KYAT3: variants seen among roughly 807,000 people sequenced by gnomAD.
KYAT3 encodes the protein kynurenine--oxoglutarate transaminase 3.
Under a neutral mutation model 59.0 loss-of-function variants are expected in KYAT3, and 50 were observed. The ratio of observed to expected loss-of-function variants is 0.85; its 90% CI spans 0.68 to 1.07. The LOEUF (loss-of-function observed/expected upper bound fraction) is 1.07. KYAT3 is among the 50% of genes least tolerant of loss of function. The pLI is 0.00. For synonymous variants in KYAT3, 148 were observed against 177.0 expected (o/e 0.84, Z 1.30); for missense variants, 497 against 533.3 (o/e 0.93, Z 0.67).
the KYAT3 span, among the ~76,000 whole-genome samples, chr1:88,928,721 T>C: frequency 2.6e-5 from 4 of 152,202 alleles, no homozygotes; most frequent in Admixed American, 2.6e-4. Flanking sequence ...TGCTAGACCA[T>C]TGAGGGCCAG....
Position 88,968,750 on chromosome 1 carries a change from T to C in KYAT3, c.223A>G (p.Ile75Val), listed in dbSNP as rs1206758194. 1.2e-6 allele frequency: 2 copies of C among 1,601,990 alleles called. No homozygotes were observed. The highest frequency in any genetic ancestry group is 2.7e-5 in the African/African-American group (2 of 74,072). Residue 75 changes from isoleucine (I) to valine (V), a missense_variant, in exon 4 of 14, where the codon ATA becomes GTA. Physicochemically the swap from Ile to Val is conservative, Grantham distance 29. Around this residue, in one of 2 missense-constraint regions of KYAT3, gnomAD observed 469 missense variants for 479.1 expected, o/e 0.98. Transcript: ENST00000260508. ...VVNLGQGFPD[I>V]SPPTYVKEEL... Reference sequence around the variant, plus strand: ...TCTTTTACATATGTAGGAGGGGATATATCTGGAAAGCCTTGGCCAAGATTC... The same window carrying C: ...TCTTTTACATATGTAGGAGGGGATACATCTGGAAAGCCTTGGCCAAGATTC...
chr1:88,976,872 CAT>C (rs1432923711), intron 2 of KYAT3, among the ~76,000 whole-genome samples: 3 of 152,112 alleles, frequency 2.0e-5, no homozygotes, highest in African/African-American at 4.8e-5. Flanking sequence ...TATAGAATGA[CAT>C]AAAATATTTT....
intron 4 of KYAT3, 64 bp downstream of exon 4, chr1:88,968,606 C>T (rs2101054827): frequency 1.5e-6 from 2 of 1,302,274 alleles, no homozygotes; most frequent in Admixed American, 2.8e-5. Context: ...CACATGCACA[C>T]ACACAGACAC....
At chr1:88,921,759 G>A in the KYAT3 span, among the ~76,000 whole-genome samples, 1 of 152,138 alleles carries the variant, frequency 6.6e-6, no homozygotes, top group African/African-American at 2.4e-5. Flanking sequence ...CTGTCAGGCT[G>A]GAGACTCAAG....
At chr1:88,960,381 C>T (rs1369384972) in intron 8 of KYAT3, among the ~76,000 whole-genome samples, 1 of 135,442 alleles carries the variant, frequency 7.4e-6, no homozygotes, top group African/African-American at 2.5e-5. Flanking sequence ...GCAGAAGAGA[C>T]TAAAACAAAC....
At chr1:88,950,965 C>T (rs906158589) in intron 10 of KYAT3, among the ~76,000 whole-genome samples, 2 of 152,216 alleles carry the variant, frequency 1.3e-5, no homozygotes, top group African/African-American at 4.8e-5. Context: ...CCATTCCAGT[C>T]TCTGTGCTGT....
At chr1:88,985,169 T>A (rs537334132) in intron 2 of KYAT3, among the ~76,000 whole-genome samples, 1 of 152,324 alleles carries the variant, frequency 6.6e-6, no homozygotes, top group South Asian at 2.1e-4. Context: ...ACAAAAAGCC[T>A]GGTTTATTCT....
intron 2 of KYAT3, among the ~76,000 whole-genome samples, chr1:88,986,991 T>C (rs1049141817): frequency 6.6e-6 from 1 of 152,210 alleles, no homozygotes; most frequent in African/African-American, 2.4e-5. Flanking sequence ...TAATTAAACA[T>C]AAAGCTACCA....
At chr1:88,927,796 A>G in the KYAT3 span, among the ~76,000 whole-genome samples, 1 of 152,268 alleles carries the variant, frequency 6.6e-6, no homozygotes. Flanking sequence ...TTGATGTTTT[A>G]GAAGGGTTAG....
At chr1:88,956,294 C>T (rs1397546216) in intron 8 of KYAT3, among the ~76,000 whole-genome samples, 1 of 152,084 alleles carries the variant, frequency 6.6e-6, no homozygotes, top group Non-Finnish European at 1.5e-5. Context: ...ACTCAAATTT[C>T]CCCTTTATTG....
intron 11 of KYAT3, among the ~76,000 whole-genome samples, chr1:88,947,166 C>T (rs1675476241): frequency 6.6e-6 from 1 of 152,146 alleles, no homozygotes; most frequent in Non-Finnish European, 1.5e-5. Flanking sequence ...TCATGGACTG[C>T]CTAGATATGC....
the KYAT3 span, among the ~76,000 whole-genome samples, chr1:88,930,540 G>A: frequency 2.0e-5 from 3 of 152,142 alleles, no homozygotes; most frequent in Non-Finnish European, 2.9e-5. Flanking sequence ...AAAGGACTTC[G>A]AAAAGCAGGG....
intron 5 of KYAT3, among the ~76,000 whole-genome samples, chr1:88,964,343 T>C (rs956606874): frequency 5.3e-5 from 8 of 152,342 alleles, no homozygotes; most frequent in African/African-American, 1.9e-4. Context: ...AGATTCTTTT[T>C]CCCTGGCAGT....
chr1:88,949,322 T>G (rs1266627322), intron 10 of KYAT3, 45 bp from the exon 11 acceptor site: 4 of 1,341,004 alleles, frequency 3.0e-6, no homozygotes, highest in Non-Finnish European at 4.0e-6. Flanking sequence ...TATGGCAATG[T>G]TATTTATTGC....
At chr1:88,953,491 A>G (rs1290938169) in intron 9 of KYAT3, among the ~76,000 whole-genome samples, 1 of 149,466 alleles carries the variant, frequency 6.7e-6, no homozygotes, top group East Asian at 2.0e-4. Flanking sequence ...GGTTGCAGTG[A>G]GCTGAGATCA....
intron 8 of KYAT3, among the ~76,000 whole-genome samples, chr1:88,960,283 T>C (rs17472779): frequency 0.45 from 68,701 of 151,534 alleles, 15,837 homozygotes; most frequent in Admixed American, 0.5. Flanking sequence ...GTCATCCTTC[T>C]CTTAATCTTT....
chr1:88,990,483 T>C (rs1233681966), intron 1 of KYAT3, among the ~76,000 whole-genome samples: 2 of 152,202 alleles, frequency 1.3e-5, no homozygotes, highest in African/African-American at 4.8e-5. Context: ...TTTGCAATTC[T>C]CACTTTCCTA....
In KYAT3 at chr1:88,952,953, C is replaced by T. The variant is rs1675743253; in HGVS notation, c.954+110G>A. On this transcript the variant is annotated intron_variant, in intron 10 of 13. Coordinates refer to ENST00000260508, the MANE Select transcript of KYAT3 (RefSeq NM_001008661.3). ...CCAAATTCCAAATTATATTAGAAGG[C>T]CCTGCAACAGAAGGATAGAAGGAGA... 12 of 653,880 alleles carry T rather than the reference C, an allele frequency of 1.8e-5. No homozygotes were observed. In the East Asian group the frequency reaches 3.3e-4, roughly 18 times the overall value. The allele number at this position is 653,880 out of a possible 1,614,324, so 40.5% of individuals were successfully genotyped here. A position where few individuals can be genotyped will look rare whatever the true frequency, so the allele number is the denominator to read the frequency against.
the KYAT3 span, among the ~76,000 whole-genome samples, chr1:88,927,428 T>C: frequency 1.3e-5 from 2 of 152,030 alleles, no homozygotes; most frequent in Non-Finnish European, 2.9e-5. Context: ...AGAAGGCAAA[T>C]GGAGTGAAGT....
Sources: allele counts gnomAD v4.1 joint callset (sites outside exome capture counted in the v4.1 genomes callset), GRCh38; gene constraint gnomAD v4.1.1; regional missense constraint gnomAD v4.1.1; transcripts MANE v1.5; gene names NCBI Gene and HGNC (gene_info 2026-07-23, HGNC 2026-07-21).